ACTL6A: variants seen among roughly 807,000 people sequenced by gnomAD.
The protein encoded by ACTL6A is actin-like protein 6A.
In ACTL6A, 5 loss-of-function variants were observed where a neutral mutation model predicts 59.2. That is an observed-to-expected ratio of 0.08 (90% CI 0.04 to 0.18). ACTL6A has a LOEUF of 0.18. Among genes scored for constraint, ACTL6A ranks in the 10% least tolerant of loss-of-function variants. ACTL6A has a pLI of 1.00. For synonymous variants in ACTL6A, 154 were observed against 171.8 expected, an observed-to-expected ratio of 0.90 and a Z score of 0.81; for missense variants, 285 against 526.9, an observed-to-expected ratio of 0.54 and a Z score of 4.49.
intron 11 of ACTL6A, among the ~76,000 whole-genome samples, chr3:179,581,883 T>C (rs1718350343): frequency 6.6e-6 from 1 of 152,208 alleles, no homozygotes; most frequent in Non-Finnish European, 1.5e-5. Context: ...TTGGTTTTGT[T>C]ACATGACATT....
intron 8 of ACTL6A, 43 bp from the exon 9 acceptor site, chr3:179,580,597 A>AT: frequency 7.3e-7 from 1 of 1,363,812 alleles, no homozygotes; most frequent in Non-Finnish European, 1.0e-6. Flanking sequence ...GATTACAAAG[A>AT]TAAATCTCAA....
chr3:179,566,955 T>C (rs1290635701), intron 1 of ACTL6A, among the ~76,000 whole-genome samples: 1 of 151,620 alleles, frequency 6.6e-6, no homozygotes, highest in African/African-American at 2.4e-5. Context: ...TCCCAAAGTG[T>C]TGGGCTTACA....
At chr3:179,567,222 C>T (rs776571506) in intron 1 of ACTL6A, among the ~76,000 whole-genome samples, 1 of 151,972 alleles carries the variant, frequency 6.6e-6, no homozygotes, top group African/African-American at 2.4e-5. Context: ...AAAACCTAGC[C>T]GGGCTTGGTG....
chr3:179,582,191 G>A (rs982653091), intron 11 of ACTL6A, among the ~76,000 whole-genome samples: 6 of 152,120 alleles, frequency 3.9e-5, no homozygotes, highest in Admixed American at 2.0e-4. Flanking sequence ...TCCACCTTTC[G>A]GGGAAGGTAA....
chr3:179,572,804 C>CA (rs985140882), intron 3 of ACTL6A, among the ~76,000 whole-genome samples: 7 of 148,972 alleles, frequency 4.7e-5, no homozygotes, highest in South Asian at 2.1e-4. Context: ...GACTCCATCT[C>CA]AAAAAAAAGA....
At chr3:179,568,234 G>T (rs907311045) in intron 1 of ACTL6A, among the ~76,000 whole-genome samples, 5 of 150,206 alleles carry the variant, frequency 3.3e-5, no homozygotes, top group Non-Finnish European at 1.5e-5. Context: ...ACTGATACTT[G>T]CAAAGTAATG....
At chr3:179,567,020 C>G (rs1270393122) in intron 1 of ACTL6A, among the ~76,000 whole-genome samples, 1 of 152,126 alleles carries the variant, frequency 6.6e-6, no homozygotes, top group Non-Finnish European at 1.5e-5. Flanking sequence ...ATCACTCATA[C>G]TGGATTAGGA....
At chr3:179,565,423 CAT>C (rs10575925) in intron 1 of ACTL6A, among the ~76,000 whole-genome samples, 64,508 of 149,232 alleles carry the variant, frequency 0.43, 16,318 homozygotes, top group East Asian at 0.64. Context: ...CAAAAACAAA[CAT>C]ATATATATGT....
chr3:179,573,264 G>T lies in ACTL6A; in HGVS notation c.278-105G>T. 5.9e-6 allele frequency: 4 copies of T among 680,870 alleles called. No homozygotes were observed. In the South Asian group the frequency reaches 7.1e-5, roughly 12 times the overall value. 42.2% of individuals were successfully genotyped at this position (680,870 alleles called of 1,614,324 possible). ...TTGATCTGTAAAATCAGTAGGTTCTGTATACTAAAGTATTAATTGTTAAGT... is the reference window on the plus strand; with the variant it reads ...TTGATCTGTAAAATCAGTAGGTTCTTTATACTAAAGTATTAATTGTTAAGT... On this transcript the variant is annotated intron_variant, in intron 3 of 13. Coordinates refer to ENST00000429709, the MANE Select transcript of ACTL6A (RefSeq NM_004301.5).
chr3:179,567,955 C>CCT (rs1717887690), intron 1 of ACTL6A, among the ~76,000 whole-genome samples: 1 of 152,008 alleles, frequency 6.6e-6, no homozygotes, highest in South Asian at 2.1e-4. Context: ...GGGTGGATCA[C>CCT]GAGGTCAGGA....
At chr3:179,586,850 C>T in intron 13 of ACTL6A, 1 of 513,042 alleles carries the variant, frequency 1.9e-6, no homozygotes. Context: ...AATGTCCCCT[C>T]TCAAACAGAG....
intron 1 of ACTL6A, among the ~76,000 whole-genome samples, chr3:179,566,220 A>G (rs907503354): frequency 6.6e-6 from 1 of 152,162 alleles, no homozygotes; most frequent in Non-Finnish European, 1.5e-5. Context: ...ATATGGATGT[A>G]GACACTGGTT....
chr3:179,570,366 C>A lies in ACTL6A; in HGVS notation c.277+125C>A. The A allele has an allele frequency of 3.5e-6, 3 of 868,162 alleles. No homozygotes were observed. The highest frequency in any genetic ancestry group is 5.0e-6 in the Non-Finnish European group (3 of 595,048). 53.8% of individuals were successfully genotyped at this position (868,162 alleles called of 1,614,324 possible). A position where few individuals can be genotyped will look rare whatever the true frequency, so the allele number is the denominator to read the frequency against. On this transcript the variant is annotated intron_variant, in intron 3 of 13. Transcript: ENST00000429709. The surrounding 1 kb of genome is among the most constrained non-coding windows in gnomAD (Gnocchi z 4.3). ...TTGTTTTGTTTTGTTTTTTATTCCA[C>A]AAACTGATTTCCAGACACTGAGAAT...
At chr3:179,575,405 T>G in intron 5 of ACTL6A, 1 of 456,732 alleles carries the variant, frequency 2.2e-6, no homozygotes, top group Non-Finnish European at 4.4e-6. Context: ...TTTTACAGCT[T>G]TATTCATCAT....
At chr3:179,572,305 G>A (rs4855092) in intron 3 of ACTL6A, among the ~76,000 whole-genome samples, 13,672 of 151,920 alleles carry the variant, frequency 0.09, 656 homozygotes, top group South Asian at 0.17. Context: ...AGTTATTCTC[G>A]GTGTTTTCTG....
At chr3:179,573,507 G>GTTTTTTTTTTTTTTTTTTTTTTTT in intron 4 of ACTL6A, 38 bp downstream of exon 4, 1 of 962,820 alleles carries the variant, frequency 1.0e-6, no homozygotes, top group Non-Finnish European at 1.4e-6. Flanking sequence ...TTCTCTAGTT[G>GTTTTTTTTTTTTTTTTTTTTTTTT]TTTTTTTTTT....
chr3:179,573,333 A>T (rs367687297), intron 3 of ACTL6A, 36 bp from the exon 4 acceptor site: 29 of 1,345,266 alleles, frequency 2.2e-5, no homozygotes, highest in Non-Finnish European at 3.0e-5. Context: ...ATCTTCAACT[A>T]TGCATTATTT....
Position 179,563,138 on chromosome 3 carries a change from G to A in ACTL6A, c.25+21G>A, listed in dbSNP as rs369018828. Reference sequence around the variant, plus strand: ...GGGAGGTGAGTGAGTGCGGCCGGACGAGAGAGCGCGCCTTTTCGGCGTGTG... The same window carrying A: ...GGGAGGTGAGTGAGTGCGGCCGGACAAGAGAGCGCGCCTTTTCGGCGTGTG... On this transcript the variant is annotated intron_variant, in intron 1 of 13. Transcript: ENST00000429709. The A allele has an allele frequency of 1.7e-4, 279 of 1,609,762 alleles. No individual in the cohort carries two copies. The African/African-American group carries it at 3.4e-3, about 20-fold the overall frequency.
intron 3 of ACTL6A, 56 bp from the exon 4 acceptor site, chr3:179,573,313 T>C: frequency 8.6e-7 from 1 of 1,160,396 alleles, no homozygotes; most frequent in Non-Finnish European, 1.2e-6. Flanking sequence ...TCTCAAAAGA[T>C]GCTATATTCA....
Sources: gnomAD v4.1 joint callset for allele counts (sites outside exome capture counted in the v4.1 genomes callset) on GRCh38, gnomAD v4.1.1 for gene constraint, Gnocchi (gnomAD v3.1) non-coding constraint, MANE v1.5 for transcripts, NCBI Gene and HGNC (gene_info 2026-07-23, HGNC 2026-07-21) for gene names.